CRYGB: variants seen among roughly 807,000 people sequenced by gnomAD.
CRYGB encodes gamma-crystallin B.
Under a neutral mutation model 21.3 loss-of-function variants are expected in CRYGB, and 19 were observed. That is an observed-to-expected ratio of 0.89 (90% CI 0.62 to 1.31). The LOEUF (loss-of-function observed/expected upper bound fraction) is 1.31, where lower values mean the gene tolerates loss of function less well. Ranked by LOEUF, CRYGB falls within the 50% of genes most tolerant of loss-of-function variation. The probability of loss-of-function intolerance (pLI) is 0.00; values close to 1 mark genes in which losing one functional copy is unlikely to be tolerated. For missense variants in CRYGB, 254 were observed against 228.4 expected, an observed-to-expected ratio of 1.11 and a Z score of -0.72; for synonymous variants, 81 against 81.2, an observed-to-expected ratio of 1.00 and a Z score of 0.01.
chr2:208,144,037 T>TTTTTGG (rs1695408542), intron 2 of CRYGB, among the ~76,000 whole-genome samples: 5 of 151,110 alleles, frequency 3.3e-5, no homozygotes, highest in East Asian at 1.9e-4. Flanking sequence ...TTTTTTTTTT[T>TTTTTGG]GAGATGGAGT....
chr2:208,145,821 A>G lies in CRYGB; in HGVS notation c.205T>C (p.Trp69Arg), dbSNP rs1010008650. The G allele has an allele frequency of 5.6e-6, 9 of 1,613,766 alleles. No individual in the cohort carries two copies. Among genetic ancestry groups the G allele is most frequent in the Middle Eastern group, 3.3e-4 (2 of 6,038 alleles). The change falls in exon 2 of 3, where the codon TGG (tryptophan) becomes CGG (arginine). Residue 69 changes from tryptophan (W) to arginine (R), a missense_variant. Coordinates refer to ENST00000260988, the MANE Select transcript of CRYGB (RefSeq NM_005210.4). ...RRGEYPDYQQ[W>R]MGLSDSIRSC... ...CGGATGGAGTCGCTGAGGCCCATCCATTGCTGGTAGTCAGGGTACTCCCCA... is the reference window on the plus strand; with the variant it reads ...CGGATGGAGTCGCTGAGGCCCATCCGTTGCTGGTAGTCAGGGTACTCCCCA...
chr2:208,145,944 G>A lies in CRYGB; in HGVS notation c.82C>T (p.Pro28Ser), dbSNP rs1344155639. 6 of 1,614,170 alleles carry A rather than the reference G, an allele frequency of 3.7e-6. No homozygotes were observed. The highest frequency in any genetic ancestry group is 5.1e-6 in the Non-Finnish European group (6 of 1,180,042). The change falls in exon 2 of 3, where the codon CCC becomes TCC. Residue 28 changes from proline to serine, a missense_variant. Physicochemically the swap from Pro to Ser is moderately conservative, Grantham distance 74. Coordinates refer to ENST00000260988, the MANE Select transcript of CRYGB (RefSeq NM_005210.4). ...ATGGAGTTGCAGCGGCTGAAATAGG[G>A]TTGTAGGTTGGGGCAGTCAGTGGTG... ...ECTTDCPNLQ[P>S]YFSRCNSIRV... is the part of the protein sequence containing the mutation.
At chr2:208,142,958 G>C (rs1250384818) in intron 2 of CRYGB, 45 bp from the exon 3 acceptor site, 2 of 1,539,550 alleles carry the variant, frequency 1.3e-6, no homozygotes, top group Non-Finnish European at 1.7e-6. Context: ...AACAAAAACA[G>C]ATGGAAATTA....
chr2:208,145,242 GTTGTTGTTA>G (rs935408170), intron 2 of CRYGB, among the ~76,000 whole-genome samples: 1 of 92,858 alleles, frequency 1.1e-5, no homozygotes, highest in African/African-American at 3.5e-5. Flanking sequence ...TGTTGTTGTT[GTTGTTGTTA>G]TTGTCGTTTT....
chr2:208,144,472 T>G (rs566172015), intron 2 of CRYGB, among the ~76,000 whole-genome samples: 119 of 152,160 alleles, frequency 7.8e-4, no homozygotes, highest in African/African-American at 2.8e-3. Context: ...GGCATGATCA[T>G]GGGTCACAGC....
At position 208,142,782 on chromosome 2, in the gene CRYGB, C is replaced by CA. The variant is rs753924648; in HGVS notation, c.383dup (p.Glu129GlyfsTer8). 5 of 1,614,134 alleles carry CA rather than the reference C, an allele frequency of 3.1e-6. No homozygotes were observed. In the African/African-American group the frequency reaches 6.7e-5, roughly 22 times the overall value. On this transcript the variant is annotated frameshift_variant, in exon 3 of 3. Transcript: ENST00000260988. LOFTEE classifies it high-confidence loss of function. Reference sequence around the variant, plus strand: ...TCTCATAGAGGATCCAGCTGCCCTCCAGCACATTGAGGGAGTGAATTTCAG... The same window carrying CA: ...TCTCATAGAGGATCCAGCTGCCCTCCAAGCACATTGAGGGAGTGAATTTCAG...
At chr2:208,144,957 A>G (rs1446206630) in intron 2 of CRYGB, among the ~76,000 whole-genome samples, 1 of 152,120 alleles carries the variant, frequency 6.6e-6, no homozygotes, top group African/African-American at 2.4e-5. Flanking sequence ...TATTTCCCTC[A>G]GCAGCAAGTA....
At chr2:208,144,381 G>GCA (rs201921163) in intron 2 of CRYGB, among the ~76,000 whole-genome samples, 64 of 118,086 alleles carry the variant, frequency 5.4e-4, no homozygotes, top group Middle Eastern at 9.2e-3. Flanking sequence ...ACTATTATAT[G>GCA]CGCACGCACA....
rs536182300 is a variant in CRYGB at position 208,142,994 on chromosome 2, G to T, written c.253-81C>A. The T allele has an allele frequency of 2.1e-6, 3 of 1,444,456 alleles. No homozygotes were observed. The African/African-American group carries it at 4.3e-5, about 21-fold the overall frequency. The allele number at this position is 1,444,456 out of a possible 1,614,324, so 89.5% of individuals were successfully genotyped here. On this transcript the variant is annotated intron_variant, in intron 2 of 2. Coordinates refer to ENST00000260988, the MANE Select transcript of CRYGB (RefSeq NM_005210.4). Reference sequence around the variant, plus strand: ...AAGCTCCAGTCCCTACACCTCCCTGGCCACACCTGCCCAGAAGTTCTCCCA... The same window carrying T: ...AAGCTCCAGTCCCTACACCTCCCTGTCCACACCTGCCCAGAAGTTCTCCCA...
chr2:208,144,856 C>T (rs1226103615), intron 2 of CRYGB, among the ~76,000 whole-genome samples: 2 of 152,178 alleles, frequency 1.3e-5, no homozygotes, highest in East Asian at 1.9e-4. Context: ...GCTGGGATTA[C>T]AGGCGTGAGC....
At chr2:208,146,089 A>T (rs1695466868) in intron 1 of CRYGB, 23 bp downstream of exon 1, 1 of 1,614,116 alleles carries the variant, frequency 6.2e-7, no homozygotes, top group Non-Finnish European at 8.5e-7. Flanking sequence ...GCCAAGGCTG[A>T]GCATCCGGTA....
chr2:208,144,293 G>C (rs1695414519), intron 2 of CRYGB, among the ~76,000 whole-genome samples: 1 of 152,184 alleles, frequency 6.6e-6, no homozygotes, highest in Non-Finnish European at 1.5e-5. Context: ...TGGGATTACA[G>C]GCATGAGCCA....
In CRYGB at chr2:208,142,736, G is replaced by C. The variant is rs150520359; in HGVS notation, c.430C>G (p.Gln144Glu). 6.2e-6 allele frequency: 10 copies of C among 1,613,954 alleles called. No homozygotes were observed. The African/African-American group carries it at 1.3e-4, about 22-fold the overall frequency. ...LYEMPNYRGRQYLLRPGEYRR... is the reference protein window; with the variant it reads ...LYEMPNYRGREYLLRPGEYRR... ...TACTCCCCCGGCCTCAGCAGATACT[G>C]CCTCCCCCTGTAGTTGGGCATCTCA... The change falls in exon 3 of 3, where the codon CAG becomes GAG. Residue 144 changes from glutamine to glutamate, a missense_variant. Gln to Glu is a conservative substitution (Grantham distance 29). Transcript: ENST00000260988.
Position 208,146,008 on chromosome 2 carries a change from G to A in CRYGB, c.18C>T (p.Phe6=). The A allele has an allele frequency of 6.2e-6, 10 of 1,614,196 alleles. No individual in the cohort carries two copies. Among genetic ancestry groups the A allele is most frequent in the Non-Finnish European group, 6.8e-6 (8 of 1,180,038 alleles). The change falls in exon 2 of 3, where the codon TTC becomes TTT. Residue 6 remains phenylalanine, a synonymous_variant. Transcript: ENST00000260988. ...GGCCCTGGAAGGCCCTGTCCTCGTA[G>A]AAGGTGATCTGAAAAATGGAAGATG... MGKIT[F]YEDRAFQGRS... is the part of the protein sequence containing the mutation.
chr2:208,145,890 A>G lies in CRYGB; in HGVS notation c.136T>C (p.Tyr46His), dbSNP rs752568219. 1 of 1,614,062 alleles carries G rather than the reference A, an allele frequency of 6.2e-7. No homozygotes were observed. Among genetic ancestry groups the G allele is most frequent in the South Asian group, 1.1e-5 (1 of 91,086 alleles). The change falls in exon 2 of 3, where the codon TAT (tyrosine) becomes CAT (histidine). Residue 46 changes from tyrosine to histidine, a missense_variant. Tyr to His is a moderately conservative substitution (Grantham distance 83). Coordinates refer to ENST00000260988, the MANE Select transcript of CRYGB (RefSeq NM_005210.4). ...IRVESGCWMI[Y>H]ERPNYQGHQY... is the part of the protein sequence containing the mutation. Reference sequence around the variant, plus strand: ...TGGCCCTGGTAGTTGGGGCGCTCATAGATCATCCAGCAGCCGCTCTCCACC... The same window carrying G: ...TGGCCCTGGTAGTTGGGGCGCTCATGGATCATCCAGCAGCCGCTCTCCACC...
At chr2:208,143,304 C>A (rs909411780) in intron 2 of CRYGB, among the ~76,000 whole-genome samples, 9 of 152,194 alleles carry the variant, frequency 5.9e-5, no homozygotes, top group Middle Eastern at 3.2e-3. Flanking sequence ...AGGGAAAAGT[C>A]AAGCCAGGAA....
In CRYGB at chr2:208,145,844, C is replaced by T. The variant is rs757866285; in HGVS notation, c.182G>A (p.Gly61Glu). 8 of 1,614,074 alleles carry T rather than the reference C, an allele frequency of 5.0e-6. No individual in the cohort carries two copies. The highest frequency in any genetic ancestry group is 6.8e-6 in the Non-Finnish European group (8 of 1,180,014). Residue 61 changes from glycine to glutamate, a missense_variant, in exon 2 of 3, where the codon GGG (glycine) becomes GAG (glutamate). By Grantham distance (98) the Gly-to-Glu change is moderately conservative. Transcript: ENST00000260988. ...YQGHQYFLRR[G>E]EYPDYQQWMG... is the part of the protein sequence containing the mutation. Reference sequence around the variant, plus strand: ...CCATTGCTGGTAGTCAGGGTACTCCCCACGCCGCAGGAAGTACTGGTGGCC... The same window carrying T: ...CCATTGCTGGTAGTCAGGGTACTCCTCACGCCGCAGGAAGTACTGGTGGCC...
intron 2 of CRYGB, among the ~76,000 whole-genome samples, chr2:208,143,160 T>C (rs1328769894): frequency 6.6e-6 from 1 of 152,142 alleles, no homozygotes; most frequent in Non-Finnish European, 1.5e-5. Flanking sequence ...AAATATCACA[T>C]CACTTTAGTG....
At chr2:208,142,981 C>T in intron 2 of CRYGB, 68 bp from the exon 3 acceptor site, 1 of 1,502,640 alleles carries the variant, frequency 6.7e-7, no homozygotes, top group Admixed American at 2.1e-5. Context: ...GCTCCAGTCC[C>T]TACACCTCCC....
Sources: allele counts gnomAD v4.1 joint callset (sites outside exome capture counted in the v4.1 genomes callset), GRCh38; gene constraint gnomAD v4.1.1; transcripts MANE v1.5; gene names NCBI Gene and HGNC (gene_info 2026-07-23, HGNC 2026-07-21).